The following KCP variants were observed in gnomAD, a reference collection of about 807,000 sequenced individuals.
The protein encoded by KCP is kielin/chordin-like protein.
A neutral mutation model predicts 212.7 loss-of-function variants in KCP; 194 were observed. The observed-to-expected ratio is 0.91, with a 90% CI of 0.81 to 1.03. The LOEUF is 1.03. KCP is among the 50% of genes least tolerant of loss of function. The pLI, the probability that KCP is intolerant of heterozygous loss-of-function variation, is 0.00. For synonymous variants in KCP, 833 were observed against 865.3 expected (o/e 0.96, Z 0.65); for missense variants, 2,080 against 2,162.5 (o/e 0.96, Z 0.76).
At chr7:128,910,292 C>T (rs1263976915) in intron 1 of KCP, among the ~76,000 whole-genome samples, 1 of 152,204 alleles carries the variant, frequency 6.6e-6, no homozygotes, top group Non-Finnish European at 1.5e-5. Context: ...CACAGCGGGC[C>T]CCTTTTCTCC....
Position 128,886,662 on chromosome 7 carries a change from C to A in KCP, c.2765G>T (p.Arg922Leu), listed in dbSNP as rs538417064. The A allele has an allele frequency of 2.6e-6, 4 of 1,551,546 alleles. No homozygotes were observed. Among genetic ancestry groups the A allele is most frequent in the Non-Finnish European group, 8.7e-7 (1 of 1,146,932 alleles). ...CCCCACCTCCTGCTATACCTGACAGCGACACCACTCACAGCTGCCTGCTGG... is the reference window on the plus strand; with the variant it reads ...CCCCACCTCCTGCTATACCTGACAGAGACACCACTCACAGCTGCCTGCTGG... ...EGPAGSCEWC[R>L]CQAGQVSCVR... Residue 922 changes from arginine (R) to leucine (L), a missense_variant, in exon 25 of 40, where the codon CGC becomes CTC. Arg to Leu is a moderately radical substitution (Grantham distance 102). Transcript: ENST00000610776.
In KCP at chr7:128,906,983, G is replaced by A. The variant is rs1470642830; in HGVS notation, c.486+118C>T. The A allele has an allele frequency of 1.0e-5, 10 of 964,798 alleles. No homozygotes were observed. In the East Asian group the frequency reaches 2.1e-4, roughly 21 times the overall value. The allele number at this position is 964,798 out of a possible 1,614,324, so 59.8% of individuals were successfully genotyped here. On this transcript the variant is annotated intron_variant, in intron 4 of 39. Coordinates refer to ENST00000610776, the MANE Select transcript of KCP (RefSeq NM_001366122.1). ...AATCAACTGAAAGCCACCGTGGCAA[G>A]GTGTGGGAGTGGCAGGCAGAGCCCA...
intron 22 of KCP, among the ~76,000 whole-genome samples, chr7:128,888,486 AGATACACC>A (rs1202546545): frequency 1.1e-4 from 16 of 151,710 alleles, no homozygotes; most frequent in Non-Finnish European, 1.9e-4. Flanking sequence ...ACAGATACAC[AGATACACC>A]CACACAGGCC....
At chr7:128,903,407 G>A (rs1189510016) in intron 7 of KCP, 1 of 405,148 alleles carries the variant, frequency 2.5e-6, no homozygotes, top group Non-Finnish European at 4.4e-6. Flanking sequence ...TTGCATTAGT[G>A]TATGACTCAG....
At position 128,892,543 on chromosome 7, in the gene KCP, C is replaced by T; in HGVS notation, c.1592G>A (p.Gly531Glu). ...PPTTCARPQS[G>E]PGQCCPRCPD... Reference sequence around the variant, plus strand: ...GCACCTGGGGCAACACTGGCCTGGTCCACTCTGGGGCCTGGCACAGGTCGT... The same window carrying T: ...GCACCTGGGGCAACACTGGCCTGGTTCACTCTGGGGCCTGGCACAGGTCGT... The change falls in exon 16 of 40, where the codon GGA becomes GAA. Residue 531 changes from glycine to glutamate, a missense_variant. Coordinates refer to ENST00000610776, the MANE Select transcript of KCP (RefSeq NM_001366122.1). The T allele has an allele frequency of 6.5e-7, 1 of 1,545,792 alleles. No individual in the cohort carries two copies. The highest frequency in any genetic ancestry group is 8.7e-7 in the Non-Finnish European group (1 of 1,143,484).
intron 37 of KCP, chr7:128,878,928 T>C (rs1793151895): frequency 9.4e-6 from 5 of 533,944 alleles, no homozygotes; most frequent in Middle Eastern, 4.9e-4. Context: ...CAAAGACAGA[T>C]GACAGGAGGA....
chr7:128,907,023 G>A, intron 4 of KCP, 78 bp downstream of exon 4: 1 of 1,372,138 alleles, frequency 7.3e-7, no homozygotes, highest in Non-Finnish European at 1.0e-6. Context: ...GCGACATCTT[G>A]AGTGCCACGC....
At position 128,880,613 on chromosome 7, in the gene KCP, G is replaced by A; in HGVS notation, c.3616+6C>T. On this transcript the variant is annotated splice_donor_region_variant and intron_variant, in intron 33 of 39. Transcript: ENST00000610776. ...TTACCCCTCCCCCATCACCCTGGCT[G>A]CGCACCTTGGCATCGCTCACAGCAG... 1.6e-6 allele frequency: 2 copies of A among 1,231,710 alleles called. No individual in the cohort carries two copies. The highest frequency in any genetic ancestry group is 2.1e-6 in the Non-Finnish European group (2 of 940,570). The allele number at this position is 1,231,710 out of a possible 1,614,324, so 76.3% of individuals were successfully genotyped here. A position where few individuals can be genotyped will look rare whatever the true frequency, so the allele number is the denominator to read the frequency against.
intron 8 of KCP, among the ~76,000 whole-genome samples, chr7:128,898,340 AC>A (rs996337806): frequency 1.3e-5 from 2 of 152,184 alleles, no homozygotes; most frequent in Non-Finnish European, 2.9e-5. Context: ...ACAGGTGTGA[AC>A]CACAGCACCC....
chr7:128,909,117 A>C (rs1795300333), intron 1 of KCP, among the ~76,000 whole-genome samples: 2 of 152,178 alleles, frequency 1.3e-5, no homozygotes, highest in African/African-American at 4.8e-5. Context: ...TCCAGGAAAG[A>C]GGGACGGGGC....
Position 128,908,486 on chromosome 7 carries a change from C to T in KCP, c.159G>A (p.Trp53Ter). ...GCCCCAGCCACTCTCGCAGGGGGTG[C>T]CACTGCTCCTGGGAGTTCCCAGCAA... ...SVLAGNSQEQ[W>*]HPLREWLGRL... is the part of the protein sequence containing the mutation. Residue 53 changes from tryptophan (W) to a stop codon, truncating the protein, a stop_gained, in exon 2 of 40, where the codon TGG becomes TGA. Transcript: ENST00000610776. LOFTEE classifies it high-confidence loss of function. 3.2e-6 allele frequency: 5 copies of T among 1,551,978 alleles called. No homozygotes were observed. Among genetic ancestry groups the T allele is most frequent in the Non-Finnish European group, 3.5e-6 (4 of 1,147,064 alleles).
intron 22 of KCP, among the ~76,000 whole-genome samples, chr7:128,888,214 C>A (rs977681198): frequency 7.1e-5 from 10 of 140,532 alleles, no homozygotes; most frequent in East Asian, 2.1e-4. Flanking sequence ...AGATACACAG[C>A]CACACACACA....
rs1202840861 is a variant in KCP at position 128,879,975 on chromosome 7, C to T, written c.3870G>A (p.Leu1290=). 6.4e-7 allele frequency: 1 copy of T among 1,550,702 alleles called. No individual in the cohort carries two copies. Among genetic ancestry groups the T allele is most frequent in the South Asian group, 1.2e-5 (1 of 84,062 alleles). The change falls in exon 35 of 40, where the codon CTG becomes CTA. Residue 1290 remains leucine, a synonymous_variant. Transcript: ENST00000610776. ...DPHYRTFDGR[L]LHFQGSCSYV... ...AGCTGCAACTGCCCTGGAAGTGCAG[C>T]AGGCGGCCGTCGAAGGTGCGGTAAT...
chr7:128,886,615 G>T, intron 25 of KCP, 40 bp downstream of exon 25: 1 of 1,550,722 alleles, frequency 6.4e-7, no homozygotes. Flanking sequence ...GAGGTGCTAT[G>T]GTCCAGCTGT....
chr7:128,886,167 A>G (rs144312682), intron 26 of KCP, among the ~76,000 whole-genome samples: 430 of 152,286 alleles, frequency 2.8e-3, no homozygotes, highest in African/African-American at 9.9e-3. Context: ...TCCTGGGTTC[A>G]AGTGATCCTC....
rs977275632 is a variant in KCP at position 128,906,341 on chromosome 7, T to C, written c.509A>G (p.Gln170Arg). The C allele has an allele frequency of 2.6e-5, 41 of 1,549,906 alleles. No homozygotes were observed. The highest frequency in any genetic ancestry group is 5.5e-5 in the African/African-American group (4 of 72,994). Residue 170 changes from glutamine (Q) to arginine (R), a missense_variant, in exon 5 of 40, where the codon CAG (glutamine) becomes CGG (arginine). Gln to Arg is a conservative substitution (Grantham distance 43, BLOSUM62 1). Transcript: ENST00000610776. ...GCAGGGTCCTCTTGGGCATGGCTTCTGGTTGCAAGTGATGGTACCTTCCTG... is the reference window on the plus strand; with the variant it reads ...GCAGGGTCCTCTTGGGCATGGCTTCCGGTTGCAAGTGATGGTACCTTCCTG... ...RCLEGTITCNQKPCPRGPCPE... is the reference protein window; with the variant it reads ...RCLEGTITCNRKPCPRGPCPE...
chr7:128,906,723 G>A (rs569088770), intron 4 of KCP, among the ~76,000 whole-genome samples: 7 of 152,132 alleles, frequency 4.6e-5, no homozygotes, highest in African/African-American at 1.4e-4. Flanking sequence ...AGGGGGTTCC[G>A]AAGTAGAAGA....
intron 16 of KCP, among the ~76,000 whole-genome samples, chr7:128,892,247 G>A (rs916560121): frequency 6.7e-6 from 1 of 149,406 alleles, no homozygotes; most frequent in Non-Finnish European, 1.5e-5. Flanking sequence ...GGGGGCCCTA[G>A]CGTGGTGGGG....
chr7:128,903,815 G>C lies in KCP; in HGVS notation c.660C>G (p.Ser220Arg). 6.8e-7 allele frequency: 1 copy of C among 1,481,070 alleles called. No individual in the cohort carries two copies. The highest frequency in any genetic ancestry group is 9.1e-7 in the Non-Finnish European group (1 of 1,103,954). The allele number at this position is 1,481,070 out of a possible 1,614,324, so 91.7% of individuals were successfully genotyped here. A position where few individuals can be genotyped will look rare whatever the true frequency, so the allele number is the denominator to read the frequency against. The change falls in exon 7 of 40, where the codon AGC (serine) becomes AGG (arginine). Residue 220 changes from serine to arginine, a missense_variant. By Grantham distance (110) the Ser-to-Arg change is moderately radical. Transcript: ENST00000610776. ...ACTTCAGGGCCATGCAGCGAACTCG[G>C]CTCCTCTGTAATGCACCAGTGGCTG... ...NPCLQCTCLR[S>R]RVRCMALKCP...
Sources: gnomAD v4.1 joint callset for allele counts (sites outside exome capture counted in the v4.1 genomes callset) on GRCh38, gnomAD v4.1.1 for gene constraint, MANE v1.5 for transcripts, NCBI Gene and HGNC (gene_info 2026-07-23, HGNC 2026-07-21) for gene names.